Variants in ADAM9 observed in about 807,000 individuals in gnomAD.
ADAM9 encodes the protein disintegrin and metalloproteinase domain-containing protein 9.
ADAM9 carries 54 observed loss-of-function variants against 108.1 expected under a neutral mutation model. That is an observed-to-expected ratio of 0.50 (90% CI 0.40 to 0.63). ADAM9 has a LOEUF of 0.63. Among genes scored for constraint, ADAM9 ranks in the 20% least tolerant of loss-of-function variants. The pLI, the probability that ADAM9 is intolerant of heterozygous loss-of-function variation, is 0.00. For missense variants in ADAM9, 830 were observed against 997.7 expected (o/e 0.83, Z 2.26); for synonymous variants, 316 against 336.0 (o/e 0.94, Z 0.65).
At chr8:39,008,270 A>G (rs181164161) in intron 2 of ADAM9, among the ~76,000 whole-genome samples, 22 of 152,068 alleles carry the variant, frequency 1.4e-4, no homozygotes, top group Non-Finnish European at 3.1e-4. Context: ...TTCTGGGTTC[A>G]AGTGATTCTC....
chr8:39,021,789 T>G (rs762366373), intron 8 of ADAM9, 75 bp downstream of exon 8: 13 of 1,318,174 alleles, frequency 9.9e-6, no homozygotes, highest in Non-Finnish European at 1.4e-5. Context: ...TAAAAATGTC[T>G]CATTTTGAGT....
intron 15 of ADAM9, among the ~76,000 whole-genome samples, chr8:39,071,624 G>A (rs539324714): frequency 6.6e-6 from 1 of 151,968 alleles, no homozygotes; most frequent in African/African-American, 2.4e-5. Flanking sequence ...GTGCCACCAC[G>A]CCCAGCTAAT....
intron 12 of ADAM9, among the ~76,000 whole-genome samples, chr8:39,053,210 TTGTGTATTC>T (rs1169297440): frequency 1.3e-5 from 2 of 152,192 alleles, no homozygotes; most frequent in Non-Finnish European, 2.9e-5. Context: ...TGAGAATACT[TTGTGTATTC>T]TGTATACAAG....
intron 14 of ADAM9, among the ~76,000 whole-genome samples, chr8:39,060,495 T>C (rs573197374): frequency 2.0e-5 from 3 of 152,364 alleles, no homozygotes; most frequent in Admixed American, 2.0e-4. Context: ...AATGGACCTC[T>C]AAACATTGTG....
chr8:39,073,199 A>G (rs567262209), intron 15 of ADAM9, among the ~76,000 whole-genome samples: 103 of 152,324 alleles, frequency 6.8e-4, no homozygotes, highest in African/African-American at 2.4e-3. Flanking sequence ...TCTTATTCAA[A>G]TATTTCATAT....
intron 7 of ADAM9, 41 bp downstream of exon 7, chr8:39,018,959 A>G (rs1161065703): frequency 2.6e-6 from 4 of 1,549,016 alleles, no homozygotes; most frequent in East Asian, 4.5e-5. Flanking sequence ...CATGAAAAGG[A>G]TATGAGAAGT....
intron 12 of ADAM9, among the ~76,000 whole-genome samples, chr8:39,046,126 T>G (rs1837765395): frequency 6.6e-6 from 1 of 152,200 alleles, no homozygotes; most frequent in East Asian, 1.9e-4. Context: ...TCCATTTATT[T>G]GTATCATCTT....
At chr8:39,005,987 T>G (rs148482129) in intron 1 of ADAM9, among the ~76,000 whole-genome samples, 83 of 152,224 alleles carry the variant, frequency 5.5e-4, no homozygotes, top group African/African-American at 2.0e-3. Context: ...CAGGTATGAG[T>G]TGGGTAAATT....
At chr8:39,059,581 C>G (rs1838232375) in intron 14 of ADAM9, among the ~76,000 whole-genome samples, 1 of 152,236 alleles carries the variant, frequency 6.6e-6, no homozygotes, top group African/African-American at 2.4e-5. Flanking sequence ...TAAAATTCTC[C>G]TCTACTGAGG....
At position 38,997,065 on chromosome 8, in the gene ADAM9, T is replaced by TG; in HGVS notation, c.6dup (p.Ser3_?2). On this transcript the variant is annotated frameshift_variant and start_lost, in exon 1 of 22. Transcript: ENST00000487273. LOFTEE classifies it high-confidence loss of function. ...GAGGAACCTGCGGAATCGGCCGAGA[T>TG]GGGGTCTGGCGCGCGCTTTCCCTCG... 1 of 1,606,190 alleles carries TG rather than the reference T, an allele frequency of 6.2e-7. No homozygotes were observed. The highest frequency in any genetic ancestry group is 8.5e-7 in the Non-Finnish European group (1 of 1,179,194).
chr8:39,042,245 T>C (rs1020059739), intron 12 of ADAM9, 128 bp downstream of exon 12: 3 of 1,027,520 alleles, frequency 2.9e-6, no homozygotes, highest in Non-Finnish European at 4.5e-6. Flanking sequence ...AGGATTGTTA[T>C]TTTGTTTGTA....
chr8:39,011,580 T>G lies in ADAM9; in HGVS notation c.196-78T>G. 2.3e-6 allele frequency: 3 copies of G among 1,309,854 alleles called. No individual in the cohort carries two copies. The South Asian group carries it at 3.6e-5, about 16-fold the overall frequency. The allele number at this position is 1,309,854 out of a possible 1,614,324, so 81.1% of individuals were successfully genotyped here. ...TATTTTAATTCAGGATGGAATTTCC[T>G]GCATCTTATAAATGAGATGTTGTTG... On this transcript the variant is annotated intron_variant, in intron 2 of 21. Transcript: ENST00000487273.
In ADAM9 at chr8:39,021,652, A is replaced by G. The variant is rs1250478890; in HGVS notation, c.682A>G (p.Met228Val). The G allele has an allele frequency of 2.5e-6, 4 of 1,613,780 alleles. No homozygotes were observed. Among genetic ancestry groups the G allele is most frequent in the Admixed American group, 3.3e-5 (2 of 60,004 alleles). ...IVVDKERYDM[M>V]GRNQTAVREE... ...TTCTTTGCTTTTCCAGTATGACATG[A>G]TGGGAAGAAATCAGACTGCTGTGAG... Residue 228 changes from methionine (M) to valine (V), a missense_variant, in exon 8 of 22, where the codon ATG becomes GTG. Around this residue, in one of 3 missense-constraint regions of ADAM9, gnomAD observed 381 missense variants for 539.8 expected, o/e 0.71. Transcript: ENST00000487273.
intron 7 of ADAM9, 89 bp downstream of exon 7, chr8:39,019,007 T>G: frequency 8.0e-7 from 1 of 1,244,330 alleles, no homozygotes; most frequent in Non-Finnish European, 1.2e-6. Context: ...ACACATTGTT[T>G]GTATTGATTT....
chr8:39,026,492 G>A (rs983446878), intron 10 of ADAM9, among the ~76,000 whole-genome samples, 185 bp from the exon 11 acceptor site: 2 of 152,184 alleles, frequency 1.3e-5, no homozygotes, highest in East Asian at 1.9e-4. Context: ...TGTCCATCAC[G>A]TGTGTGATTC....
At chr8:39,010,444 G>C (rs1440451005) in intron 2 of ADAM9, among the ~76,000 whole-genome samples, 1 of 152,208 alleles carries the variant, frequency 6.6e-6, no homozygotes, top group Non-Finnish European at 1.5e-5. Flanking sequence ...TTAGAAGTCA[G>C]AGGCAGATGT....
chr8:39,049,513 A>G lies in ADAM9; in HGVS notation c.1303-4968A>G, dbSNP rs139398364. On this transcript the variant is annotated intron_variant, in intron 12 of 21. Transcript: ENST00000487273. ...CTGGAGTGCAGTGGTGCGATGGCTC[A>G]CTGTATCCTCCGCCTCCTGGGTTCA... Among the ~76,000 whole-genome samples the G allele has an allele frequency of 2.9e-3, 423 of 145,310 alleles. 2 individuals are homozygous for G. The highest frequency in any genetic ancestry group is 0.01 in the African/African-American group (403 of 39,000).
chr8:39,044,845 G>GGTGTGTGTAT (rs1301138392), intron 12 of ADAM9, among the ~76,000 whole-genome samples: 3 of 151,184 alleles, frequency 2.0e-5, no homozygotes, highest in African/African-American at 7.3e-5. Context: ...TATTCCGTGG[G>GGTGTGTGTAT]GTGTGTGTAT....
intron 13 of ADAM9, 65 bp from the exon 14 acceptor site, chr8:39,055,512 C>T: frequency 2.6e-6 from 4 of 1,515,368 alleles, no homozygotes; most frequent in Non-Finnish European, 3.7e-6. Flanking sequence ...GCTGTGGTTT[C>T]ACATTTGATT....
Sources: allele counts gnomAD v4.1 joint callset (sites outside exome capture counted in the v4.1 genomes callset), GRCh38; gene constraint gnomAD v4.1.1; regional missense constraint gnomAD v4.1.1; transcripts MANE v1.5; gene names NCBI Gene and HGNC (gene_info 2026-07-23, HGNC 2026-07-21).